Variants in JAK1 observed in about 807,000 individuals in gnomAD.
JAK1 encodes the protein Janus kinase 1, also known as tyrosine-protein kinase JAK1.
JAK1 carries 16 observed loss-of-function variants against 136.6 expected under a neutral mutation model. The ratio of observed to expected loss-of-function variants is 0.12; its 90% confidence interval spans 0.08 to 0.18. The LOEUF is 0.18. Among genes scored for constraint, JAK1 ranks in the 10% least tolerant of loss-of-function variants. The probability of loss-of-function intolerance (pLI) is 1.00; values close to 1 mark genes in which losing one functional copy is unlikely to be tolerated. For missense variants in JAK1, 859 were observed against 1,450.1 expected (o/e 0.59, Z 6.62); for synonymous variants, 492 against 519.5 (o/e 0.95, Z 0.72).
At chr1:64,842,939 AT>A (rs1654999321) in intron 17 of JAK1, among the ~76,000 whole-genome samples, 1 of 151,960 alleles carries the variant, frequency 6.6e-6, no homozygotes, top group South Asian at 2.1e-4. Context: ...TTCCGCTGCC[AT>A]TTCCGGACAT....
intron 1 of JAK1, among the ~76,000 whole-genome samples, chr1:64,912,939 C>G (rs942414132): frequency 1.3e-5 from 2 of 152,204 alleles, no homozygotes; most frequent in African/African-American, 4.8e-5. Context: ...TTATTACTCT[C>G]TAGCTGTTCC....
At chr1:65,018,704 G>A (rs1339457047) in intron 2 of JAK1, among the ~76,000 whole-genome samples, 1 of 152,122 alleles carries the variant, frequency 6.6e-6, no homozygotes, top group Non-Finnish European at 1.5e-5. Flanking sequence ...ATTCTGCTAA[G>A]AGAGCATTTG....
chr1:64,934,635 T>C (rs1361943679), intron 1 of JAK1, among the ~76,000 whole-genome samples: 1 of 152,198 alleles, frequency 6.6e-6, no homozygotes, highest in Non-Finnish European at 1.5e-5. Flanking sequence ...AAACCTTCCA[T>C]CTACTGGACC....
chr1:64,900,995 C>T (rs1645096433), intron 1 of JAK1, among the ~76,000 whole-genome samples: 3 of 152,166 alleles, frequency 2.0e-5, no homozygotes, highest in South Asian at 2.1e-4. Flanking sequence ...CCAAGTGAGG[C>T]GTTCAGAGAG....
At chr1:65,011,452 AAAAC>A (rs918878912) in intron 2 of JAK1, among the ~76,000 whole-genome samples, 11 of 152,302 alleles carry the variant, frequency 7.2e-5, no homozygotes, top group East Asian at 3.9e-4. Context: ...CCTGTCTCAA[AAAAC>A]AAACAAACAA....
chr1:64,980,894 G>A (rs919222159), intron 2 of JAK1, among the ~76,000 whole-genome samples: 2 of 152,176 alleles, frequency 1.3e-5, no homozygotes, highest in Non-Finnish European at 2.9e-5. Context: ...TCCCTACAAA[G>A]GACATGAACT....
intron 5 of JAK1, among the ~76,000 whole-genome samples, chr1:64,870,214 A>G (rs886189651): frequency 2.0e-5 from 3 of 152,154 alleles, no homozygotes; most frequent in Admixed American, 1.3e-4. Context: ...TTTAGTCCTC[A>G]TAACACCTTA....
intron 2 of JAK1, among the ~76,000 whole-genome samples, chr1:65,013,624 A>C (rs1039246661): frequency 1.3e-5 from 2 of 152,196 alleles, no homozygotes; most frequent in African/African-American, 2.4e-5. Context: ...AATTTCATTT[A>C]ATTTGGTGCC....
At chr1:64,849,742 G>A (rs929477752) in intron 12 of JAK1, among the ~76,000 whole-genome samples, 1 of 152,242 alleles carries the variant, frequency 6.6e-6, no homozygotes, top group Admixed American at 6.5e-5. Flanking sequence ...CCTGCTTGGA[G>A]GCTCGAGGCA....
chr1:64,886,349 C>A lies in JAK1; in HGVS notation c.-77-8G>T. 1 of 1,474,452 alleles carries A rather than the reference C, an allele frequency of 6.8e-7. No individual in the cohort carries two copies. Among genetic ancestry groups the A allele is most frequent in the South Asian group, 1.4e-5 (1 of 72,894 alleles). 91.3% of individuals were successfully genotyped at this position (1,474,452 alleles called of 1,614,324 possible). On this transcript the variant is annotated splice_region_variant and splice_polypyrimidine_tract_variant and intron_variant, in intron 1 of 24. Coordinates refer to ENST00000342505, the MANE Select transcript of JAK1 (RefSeq NM_002227.4). ...AGCTACTTCAGAGAAGCGCTAAAGA[C>A]AAAAATAAATAAATAAATCAGTGGC...
intron 1 of JAK1, among the ~76,000 whole-genome samples, chr1:65,055,190 A>G (rs980890697): frequency 6.6e-6 from 1 of 152,076 alleles, no homozygotes; most frequent in Non-Finnish European, 1.5e-5. Context: ...CCTGGCAACC[A>G]TCAGTTCCTG....
At chr1:64,948,949 G>C (rs1646034109) in intron 1 of JAK1, among the ~76,000 whole-genome samples, 1 of 152,134 alleles carries the variant, frequency 6.6e-6, no homozygotes, top group Non-Finnish European at 1.5e-5. Flanking sequence ...GGAATCTACA[G>C]AACTTACTGT....
At position 64,886,279 on chromosome 1, in the gene JAK1, A is replaced by C; in HGVS notation, c.-15T>G. 1 of 1,597,178 alleles carries C rather than the reference A, an allele frequency of 6.3e-7. No individual in the cohort carries two copies. The highest frequency in any genetic ancestry group is 8.5e-7 in the Non-Finnish European group (1 of 1,172,826). On this transcript the variant is annotated 5_prime_UTR_variant, in exon 2 of 25. Transcript: ENST00000342505. ...CATACCTGCATTTATTCAGCTGTCC[A>C]GTGTTCTCCAAGAAGCAAACTGGAT...
Position 64,884,853 on chromosome 1 carries a change from C to A in JAK1, c.7-1378G>T, listed in dbSNP as rs1644828031. 2.6e-5 allele frequency among the ~76,000 whole-genome samples: 4 copies of A among 152,272 alleles called. No individual in the cohort carries two copies. In the South Asian group the frequency reaches 6.2e-4, roughly 24 times the overall value. On this transcript the variant is annotated intron_variant, in intron 2 of 24. Transcript: ENST00000342505. ...CCACAGGAAATTTAAGCATCTTATG[C>A]ACATGCTGTGAGTTCCTTGAGATAA... is the stretch of plus-strand genomic sequence containing the variant.
chr1:64,924,901 T>C (rs1380239358), intron 1 of JAK1, among the ~76,000 whole-genome samples: 1 of 152,198 alleles, frequency 6.6e-6, no homozygotes, highest in African/African-American at 2.4e-5. Context: ...CTCTGTGTGA[T>C]ACAATGATGG....
At chr1:65,015,021 A>AT (rs1646881857) in intron 2 of JAK1, among the ~76,000 whole-genome samples, 1 of 152,168 alleles carries the variant, frequency 6.6e-6, no homozygotes, top group South Asian at 2.1e-4. Flanking sequence ...AAATCTTTCA[A>AT]GAATGAGGGC....
intron 2 of JAK1, among the ~76,000 whole-genome samples, chr1:65,032,448 T>A (rs1647031877): frequency 6.6e-6 from 1 of 152,204 alleles, no homozygotes; most frequent in Non-Finnish European, 1.5e-5. Flanking sequence ...CGAGCCCTTT[T>A]GCAAAATGGA....
rs1645161419 is a variant in JAK1, at chr1:64,904,479, C to CTTAA, written c.-77-18142_-77-18139dup. ...AATAATATTTTTAACAGCAAGAGCT[C>CTTAA]TTAAGCCTTTCATAGTTAATAAATG... On this transcript the variant is annotated intron_variant, in intron 1 of 24. Transcript: ENST00000342505. 2.6e-5 allele frequency among the ~76,000 whole-genome samples: 4 copies of CTTAA among 152,262 alleles called. No individual in the cohort carries two copies. The South Asian group carries it at 8.3e-4, about 32-fold the overall frequency.
chr1:64,902,583 A>AGTGTGTGTGTGTGTGT (rs1297802875), intron 1 of JAK1, among the ~76,000 whole-genome samples: 3 of 73,758 alleles, frequency 4.1e-5, no homozygotes, highest in Non-Finnish European at 7.1e-5. Flanking sequence ...AGAGAGAGAG[A>AGTGTGTGTGTGTGTGT]GTGTGTGTGT....
Sources: gnomAD v4.1 joint callset for allele counts (sites outside exome capture counted in the v4.1 genomes callset) on GRCh38, gnomAD v4.1.1 for gene constraint, MANE v1.5 for transcripts, NCBI Gene and HGNC (gene_info 2026-07-23, HGNC 2026-07-21) for gene names.